GLTP: variants seen among roughly 807,000 people sequenced by gnomAD.
GLTP encodes glycolipid transfer protein.
In GLTP, 22 loss-of-function variants were observed where a neutral mutation model predicts 24.0. That is an observed-to-expected ratio of 0.92 (90% CI 0.65 to 1.31). The LOEUF (loss-of-function observed/expected upper bound fraction) is 1.31. Ranked by LOEUF, GLTP falls within the 50% of genes most tolerant of loss-of-function variation. The pLI is 0.00. For missense variants in GLTP, 224 were observed against 276.6 expected (o/e 0.81, Z 1.35); for synonymous variants, 92 against 115.9 (o/e 0.79, Z 1.33).
chr12:109,870,930 A>G (rs540220525), intron 1 of GLTP, among the ~76,000 whole-genome samples: 1 of 152,274 alleles, frequency 6.6e-6, no homozygotes, highest in Non-Finnish European at 1.5e-5. Context: ...GACTTTGAAA[A>G]GCTCAGATAC....
In GLTP at chr12:109,855,875, C is replaced by T. The variant is rs76061794; in HGVS notation, c.297-106G>A. On this transcript the variant is annotated intron_variant, in intron 3 of 4. Coordinates refer to ENST00000318348, the MANE Select transcript of GLTP (RefSeq NM_016433.4). This position sits in a 1 kb window ranked among gnomAD's most constrained non-coding sequence, Gnocchi z 4.1. ...ACCTACTGTGAGCCAGGAACATGGG[C>T]GCCCCAGAGGGAGTGGTTATTCCCT... 197 of 825,390 alleles carry T rather than the reference C, an allele frequency of 2.4e-4. No homozygotes were observed. The East Asian group carries it at 4.7e-3, about 20-fold the overall frequency. The allele number at this position is 825,390 out of a possible 1,614,324, so 51.1% of individuals were successfully genotyped here.
chr12:109,858,801 C>T, intron 1 of GLTP, 60 bp from the exon 2 acceptor site: 1 of 1,126,282 alleles, frequency 8.9e-7, no homozygotes, highest in South Asian at 1.2e-5. Flanking sequence ...TTCAGGGCCA[C>T]CGCAGGCCAT....
In GLTP at chr12:109,855,641, C is replaced by A; in HGVS notation, c.425G>T (p.Trp142Leu). 1 of 1,582,078 alleles carries A rather than the reference C, an allele frequency of 6.3e-7. No homozygotes were observed. Among genetic ancestry groups the A allele is most frequent in the Non-Finnish European group, 8.6e-7 (1 of 1,164,122 alleles). Residue 142 changes from tryptophan (W) to leucine (L), a missense_variant, in exon 4 of 5, where the codon TGG (tryptophan) becomes TTG (leucine). Trp to Leu is a moderately conservative substitution (Grantham distance 61, BLOSUM62 -2). Transcript: ENST00000318348. This position sits in a 1 kb window ranked among gnomAD's most constrained non-coding sequence, Gnocchi z 4.1. ...YEMALKKYHG[W>L]IVQKIFQAAL... Reference sequence around the variant, plus strand: ...CACCTGGAAGATCTTCTGCACGATCCAGCCATGGTACTTCTTGAGGGCCAT... The same window carrying A: ...CACCTGGAAGATCTTCTGCACGATCAAGCCATGGTACTTCTTGAGGGCCAT...
At chr12:109,860,420 C>T (rs1392281230) in intron 1 of GLTP, 1 of 210,750 alleles carries the variant, frequency 4.7e-6, no homozygotes, top group Admixed American at 4.4e-5. Context: ...GTAGCATGCA[C>T]CTATGTGTGT....
chr12:109,858,635 G>C, intron 2 of GLTP, 48 bp downstream of exon 2: 1 of 1,429,170 alleles, frequency 7.0e-7, no homozygotes, highest in Non-Finnish European at 9.9e-7. Context: ...GGTGGGCTTA[G>C]ATTCCTAACG....
chr12:109,879,974 T>G (rs905273738), intron 1 of GLTP, among the ~76,000 whole-genome samples: 3 of 151,436 alleles, frequency 2.0e-5, no homozygotes, highest in Admixed American at 6.6e-5. Flanking sequence ...AGATCATCCG[T>G]GTTGGGGGCA....
At position 109,857,718 on chromosome 12, in the gene GLTP, C is replaced by A; in HGVS notation, c.163-59G>T. The A allele has an allele frequency of 6.3e-7, 1 of 1,591,122 alleles. No individual in the cohort carries two copies. The highest frequency in any genetic ancestry group is 2.2e-5 in the East Asian group (1 of 44,764). ...AAGCTGCCCCCATAGACATCTGGCC[C>A]GCACGCTGGGTGAAAAGCACCCTAC... On this transcript the variant is annotated intron_variant, in intron 2 of 4. Coordinates refer to ENST00000318348, the MANE Select transcript of GLTP (RefSeq NM_016433.4). The surrounding 1 kb of genome is among the most constrained non-coding windows in gnomAD (Gnocchi z 4.3).
In GLTP at chr12:109,878,392, C is replaced by A. The variant is rs564060879; in HGVS notation, c.103+1880G>T. On this transcript the variant is annotated intron_variant, in intron 1 of 4. Transcript: ENST00000318348. ...GTTCTGTGCACTGTAGGATACTGAG[C>A]AGCTCCCTGGCCTCTACTCACAAGA... Among the ~76,000 whole-genome samples, 5 of 152,284 alleles carry A rather than the reference C, an allele frequency of 3.3e-5. No homozygotes were observed. In the South Asian group the frequency reaches 1.0e-3, roughly 32 times the overall value.
In GLTP at chr12:109,852,294, T is replaced by G; in HGVS notation, c.*261A>C. 1 of 360,380 alleles carries G rather than the reference T, an allele frequency of 2.8e-6. No homozygotes were observed. 22.3% of individuals were successfully genotyped at this position (360,380 alleles called of 1,614,324 possible). A position where few individuals can be genotyped will look rare whatever the true frequency, so the allele number is the denominator to read the frequency against. The stretch of plus-strand genomic sequence containing the variant: ...TTTTTACCACGCTGAAATGAAGGTA[T>G]AAAGTCAGTCTGTGCTGTCGTGAAA... On this transcript the variant is annotated 3_prime_UTR_variant, in exon 5 of 5. Coordinates refer to ENST00000318348, the MANE Select transcript of GLTP (RefSeq NM_016433.4).
intron 1 of GLTP, among the ~76,000 whole-genome samples, chr12:109,861,475 C>T (rs746653215): frequency 6.6e-6 from 1 of 152,168 alleles, no homozygotes; most frequent in Non-Finnish European, 1.5e-5. Context: ...CGAGGCCAGG[C>T]GCAGTAGCTC....
rs1719733567 is a variant in GLTP at position 109,852,714 on chromosome 12, A to G, written c.471T>C (p.Tyr157=). The G allele has an allele frequency of 6.2e-7, 1 of 1,612,910 alleles. No homozygotes were observed. The highest frequency in any genetic ancestry group is 1.3e-5 in the African/African-American group (1 of 75,008). Residue 157 remains tyrosine (Y), a synonymous_variant, in exon 5 of 5, where the codon TAT becomes TAC. Transcript: ENST00000318348. The part of the protein sequence containing the change: ...IFQAALYAAP[Y]KSDFLKALSK... Reference sequence around the variant, plus strand: ...AGAGCGCTTTCAGGAAGTCAGACTTATAGGGTGCTGCGTACAGTGCTGCCT... The same window carrying G: ...AGAGCGCTTTCAGGAAGTCAGACTTGTAGGGTGCTGCGTACAGTGCTGCCT...
intron 1 of GLTP, among the ~76,000 whole-genome samples, chr12:109,862,292 G>A (rs967235900): frequency 6.6e-6 from 1 of 152,118 alleles, no homozygotes; most frequent in Non-Finnish European, 1.5e-5. Flanking sequence ...CCTCCGCTGC[G>A]TGTAGAGGCC....
intron 1 of GLTP, among the ~76,000 whole-genome samples, chr12:109,870,282 A>G (rs1191221988): frequency 7.2e-5 from 11 of 152,082 alleles, no homozygotes; most frequent in Admixed American, 7.2e-4. Context: ...CCTGGCCAAC[A>G]TGGTGAAACC....
rs895881502 is a variant in GLTP, at chr12:109,851,027, C to G, written c.*1528G>C. On this transcript the variant is annotated 3_prime_UTR_variant, in exon 5 of 5. Coordinates refer to ENST00000318348, the MANE Select transcript of GLTP (RefSeq NM_016433.4). ...CCAATTGTTCCTCATTGGGTTTTTT[C>G]TTTTAAAACACACATCAACTCTTTT... The G allele has an allele frequency of 1.3e-5, 2 of 152,412 alleles. No individual in the cohort carries two copies. The highest frequency in any genetic ancestry group is 4.8e-5 in the African/African-American group (2 of 41,394). The allele number at this position is 152,412 out of a possible 1,614,324, so 9.4% of individuals were successfully genotyped here. A position where few individuals can be genotyped will look rare whatever the true frequency, so the allele number is the denominator to read the frequency against.
chr12:109,875,433 G>A (rs1268935115), intron 1 of GLTP, among the ~76,000 whole-genome samples: 1 of 152,134 alleles, frequency 6.6e-6, no homozygotes, highest in Non-Finnish European at 1.5e-5. Flanking sequence ...CTAAAGCACA[G>A]GTTTCAAGCT....
At chr12:109,876,934 C>T (rs571115165) in intron 1 of GLTP, among the ~76,000 whole-genome samples, 4 of 152,296 alleles carry the variant, frequency 2.6e-5, no homozygotes, top group South Asian at 2.1e-4. Context: ...CTCACTGCAA[C>T]TTAGGCGTCC....
At position 109,866,356 on chromosome 12, in the gene GLTP, C is replaced by G. The variant is rs59408807; in HGVS notation, c.104-7615G>C. On this transcript the variant is annotated intron_variant, in intron 1 of 4. Coordinates refer to ENST00000318348, the MANE Select transcript of GLTP (RefSeq NM_016433.4). The stretch of plus-strand genomic sequence containing the variant: ...CACCTCTTTAAGCAACCTGGTGGTC[C>G]TCTTTGCCAGGAGGTCACCATATTG... The G allele has an allele frequency of 5.0e-3, 767 of 152,396 alleles. 26 individuals carry two copies. In the East Asian group the frequency reaches 0.078, roughly 15 times the overall value. 9.4% of individuals were successfully genotyped at this position (152,396 alleles called of 1,614,324 possible).
At chr12:109,862,664 C>T (rs974346462) in intron 1 of GLTP, among the ~76,000 whole-genome samples, 1 of 152,036 alleles carries the variant, frequency 6.6e-6, no homozygotes, top group Non-Finnish European at 1.5e-5. Flanking sequence ...GTGGGAGGAT[C>T]GTTCAAGCCC....
intron 1 of GLTP, among the ~76,000 whole-genome samples, chr12:109,868,157 ACTACGACCAG>A (rs1278727291): frequency 3.3e-5 from 5 of 152,252 alleles, no homozygotes; most frequent in African/African-American, 4.8e-5. Flanking sequence ...GACACATGTC[ACTACGACCAG>A]CTAATTTTTT....
Sources: allele counts gnomAD v4.1 joint callset (sites outside exome capture counted in the v4.1 genomes callset), GRCh38; gene constraint gnomAD v4.1.1; non-coding constraint Gnocchi (gnomAD v3.1); transcripts MANE v1.5; gene names NCBI Gene and HGNC (gene_info 2026-07-23, HGNC 2026-07-21).